The following NFIC variants were observed in gnomAD, a reference collection of about 807,000 sequenced individuals.
The protein encoded by NFIC is nuclear factor 1 C-type.
NFIC carries 12 observed loss-of-function variants against 54.4 expected under a neutral mutation model. The observed-to-expected ratio is 0.22, with a 90% confidence interval of 0.14 to 0.36. NFIC has a LOEUF of 0.36. Ranked by LOEUF, NFIC falls within the 10% of genes least tolerant of loss-of-function variation. NFIC has a pLI of 1.00. For synonymous variants in NFIC, 322 were observed against 319.2 expected, an observed-to-expected ratio of 1.01 and a Z score of -0.09; for missense variants, 575 against 718.2, an observed-to-expected ratio of 0.80 and a Z score of 2.28.
chr19:3,368,491 C>T (rs1249191528), intron 1 of NFIC, among the ~76,000 whole-genome samples: 3 of 152,160 alleles, frequency 2.0e-5, no homozygotes, highest in Admixed American at 1.3e-4. Flanking sequence ...AAAAACTATC[C>T]AGGGGTGCTG....
chr19:3,389,524 G>A (rs1307661741), intron 2 of NFIC, among the ~76,000 whole-genome samples: 1 of 152,174 alleles, frequency 6.6e-6, no homozygotes, highest in Non-Finnish European at 1.5e-5. Flanking sequence ...TATTTGTATG[G>A]TGGACAGAAT....
chr19:3,431,067 C>G (rs2082112924), intron 3 of NFIC, among the ~76,000 whole-genome samples: 1 of 151,754 alleles, frequency 6.6e-6, no homozygotes, highest in Admixed American at 6.6e-5. Context: ...GAGCCTCGTT[C>G]TTTTATTTTT....
At chr19:3,391,165 G>T (rs562680266) in intron 2 of NFIC, among the ~76,000 whole-genome samples, 1 of 151,440 alleles carries the variant, frequency 6.6e-6, no homozygotes, top group Admixed American at 6.6e-5. Flanking sequence ...CAGGAGGATC[G>T]CTTGAGCCCA....
At chr19:3,388,044 C>T (rs952974174) in intron 2 of NFIC, among the ~76,000 whole-genome samples, 3 of 151,950 alleles carry the variant, frequency 2.0e-5, no homozygotes, top group African/African-American at 4.8e-5. Flanking sequence ...CAGCCCGCCC[C>T]GAGCCGCCAG....
intron 2 of NFIC, among the ~76,000 whole-genome samples, chr19:3,389,256 C>T (rs1052643465): frequency 2.6e-5 from 4 of 152,166 alleles, no homozygotes; most frequent in Non-Finnish European, 5.9e-5. Flanking sequence ...GAAAGGGTCT[C>T]AACCTGGGAG....
rs2080974129 is a variant in NFIC at position 3,370,156 on chromosome 19, A to G, written c.30+3490A>G. Among the ~76,000 whole-genome samples the G allele has an allele frequency of 1.3e-5, 2 of 152,102 alleles. No homozygotes were observed. Reference sequence around the variant, plus strand: ...GGGCCTGCAGCCCCTCAGTGCCGGGAGAGGGGCTAAGAGTCAGAGAGGGCC... The same window carrying G: ...GGGCCTGCAGCCCCTCAGTGCCGGGGGAGGGGCTAAGAGTCAGAGAGGGCC... On this transcript the variant is annotated intron_variant, in intron 1 of 10. Coordinates refer to ENST00000443272, the MANE Select transcript of NFIC (RefSeq NM_001245002.2). The surrounding 1 kb of genome is among the most constrained non-coding windows in gnomAD (Gnocchi z 5.2).
intron 6 of NFIC, among the ~76,000 whole-genome samples, chr19:3,439,450 C>G (rs1372377909): frequency 1.4e-5 from 2 of 147,254 alleles, no homozygotes; most frequent in African/African-American, 5.0e-5. Flanking sequence ...CGAGACCAGC[C>G]TGGCCAACAG....
rs2082737035 is a variant in NFIC, at chr19:3,467,785, ATAT to A, written c.*5017_*5019del. Reference sequence around the variant, plus strand: ...TATATATATATATATATATATATATATATAATTTTGGAATTTGTTTCTCATAAT... The same window carrying A: ...TATATATATATATATATATATATATAAATTTTGGAATTTGTTTCTCATAAT... On this transcript the variant is annotated 3_prime_UTR_variant, in exon 11 of 11. Coordinates refer to ENST00000443272, the MANE Select transcript of NFIC (RefSeq NM_001245002.2). The A allele has an allele frequency of 7.2e-6, 1 of 138,894 alleles. No homozygotes were observed. Among genetic ancestry groups the A allele is most frequent in the East Asian group, 2.3e-4 (1 of 4,404 alleles). 8.6% of individuals were successfully genotyped at this position (138,894 alleles called of 1,614,324 possible).
chr19:3,366,563 G>GGGGGGGGT, upstream of NFIC: 4 of 782,870 alleles, frequency 5.1e-6, no homozygotes, highest in South Asian at 2.0e-5. Context: ...GGGCGGGGGG[G>GGGGGGGGT]TGGTTTGGAA....
chr19:3,396,990 T>C (rs1474129250), intron 2 of NFIC, among the ~76,000 whole-genome samples: 3 of 151,998 alleles, frequency 2.0e-5, no homozygotes, highest in Non-Finnish European at 4.4e-5. Flanking sequence ...GTGGCCATCA[T>C]GATCGGTTGT....
At chr19:3,443,961 G>A (rs2082331593) in intron 6 of NFIC, among the ~76,000 whole-genome samples, 1 of 152,204 alleles carries the variant, frequency 6.6e-6, no homozygotes, top group African/African-American at 2.4e-5. Context: ...ACTCTGTGTA[G>A]GGCCCCTCCT....
rs1395624172 is a variant in NFIC at position 3,369,082 on chromosome 19, C to T, written c.30+2416C>T. 1.3e-5 allele frequency among the ~76,000 whole-genome samples: 2 copies of T among 152,036 alleles called. No homozygotes were observed. Among genetic ancestry groups the T allele is most frequent in the African/African-American group, 4.8e-5 (2 of 41,370 alleles). ...TCAGTCTCTCCCACTGTCTCTGTCT[C>T]TTCATGTCTATCTCACCATCCCTTT... is the stretch of plus-strand genomic sequence containing the variant. On this transcript the variant is annotated intron_variant, in intron 1 of 10. Coordinates refer to ENST00000443272, the MANE Select transcript of NFIC (RefSeq NM_001245002.2). This position sits in a 1 kb window ranked among gnomAD's most constrained non-coding sequence, Gnocchi z 4.3.
At chr19:3,394,519 A>ACCCCCCCCCC (rs138210089) in intron 2 of NFIC, among the ~76,000 whole-genome samples, 3 of 47,350 alleles carry the variant, frequency 6.3e-5, no homozygotes, top group African/African-American at 1.4e-4. Flanking sequence ...TCTTTTCCCC[A>ACCCCCCCCCC]CCCACCCCCC....
chr19:3,395,249 C>A (rs1267961723), intron 2 of NFIC, among the ~76,000 whole-genome samples: 4 of 152,074 alleles, frequency 2.6e-5, no homozygotes, highest in Non-Finnish European at 2.9e-5. Flanking sequence ...ATCCCAGCTA[C>A]TGGGGAGGCT....
At position 3,463,549 on chromosome 19, in the gene NFIC, T is replaced by A; in HGVS notation, c.*780T>A. Reference sequence around the variant, plus strand: ...TCCCAAAGCGCCGGCCGACTCGCTGTCTCGCTGGGGACTCTTTCAGCCCTC... The same window carrying A: ...TCCCAAAGCGCCGGCCGACTCGCTGACTCGCTGGGGACTCTTTCAGCCCTC... On this transcript the variant is annotated 3_prime_UTR_variant, in exon 11 of 11. Transcript: ENST00000443272. 2 of 984,896 alleles carry A rather than the reference T, an allele frequency of 2.0e-6. No homozygotes were observed. The highest frequency in any genetic ancestry group is 2.4e-6 in the Non-Finnish European group (2 of 829,830). The allele number at this position is 984,896 out of a possible 1,614,324, so 61.0% of individuals were successfully genotyped here.
At chr19:3,373,965 G>A (rs2081065401) in intron 1 of NFIC, among the ~76,000 whole-genome samples, 3 of 152,222 alleles carry the variant, frequency 2.0e-5, no homozygotes, top group Non-Finnish European at 4.4e-5. Context: ...GCTGGTGCCG[G>A]ATGGGCCTGG....
rs2080977287 is a variant in NFIC at position 3,370,317 on chromosome 19, C to T, written c.30+3651C>T. 6.6e-6 allele frequency among the ~76,000 whole-genome samples: 1 copy of T among 152,118 alleles called. No homozygotes were observed. Among genetic ancestry groups the T allele is most frequent in the African/African-American group, 2.4e-5 (1 of 41,424 alleles). On this transcript the variant is annotated intron_variant, in intron 1 of 10. Coordinates refer to ENST00000443272, the MANE Select transcript of NFIC (RefSeq NM_001245002.2). The surrounding 1 kb of genome is among the most constrained non-coding windows in gnomAD (Gnocchi z 5.2). ...GGCCTGGTGGCCTCTGATTCACTCT[C>T]TACAAGGCTCCACCACTCTCCCGCT...
At chr19:3,378,836 G>A (rs182441001) in intron 1 of NFIC, among the ~76,000 whole-genome samples, 1 of 152,112 alleles carries the variant, frequency 6.6e-6, no homozygotes, top group Non-Finnish European at 1.5e-5. Context: ...AGCACAGTGG[G>A]TTCATGGAAA....
chr19:3,423,584 C>T (rs1029423494), intron 2 of NFIC, among the ~76,000 whole-genome samples: 7 of 152,130 alleles, frequency 4.6e-5, no homozygotes, highest in African/African-American at 9.7e-5. Context: ...TTCAGCCCTC[C>T]GTGGAGGGGT....
Sources: allele counts gnomAD v4.1 joint callset (sites outside exome capture counted in the v4.1 genomes callset), GRCh38; gene constraint gnomAD v4.1.1; non-coding constraint Gnocchi (gnomAD v3.1); transcripts MANE v1.5; gene names NCBI Gene and HGNC (gene_info 2026-07-23, HGNC 2026-07-21).